Variants in PDK2 observed in about 807,000 individuals in gnomAD.
PDK2 encodes pyruvate dehydrogenase kinase, isozyme 2.
Under a neutral mutation model 50.4 loss-of-function variants are expected in PDK2, and 34 were observed. The ratio of observed to expected loss-of-function variants is 0.68; its 90% CI spans 0.51 to 0.90. The LOEUF (loss-of-function observed/expected upper bound fraction) is 0.90. Ranked by LOEUF, PDK2 falls within the 40% of genes least tolerant of loss-of-function variation. The pLI, the probability that PDK2 is intolerant of heterozygous loss-of-function variation, is 0.00. For synonymous variants in PDK2, 232 were observed against 216.0 expected, an observed-to-expected ratio of 1.07 and a Z score of -0.65; for missense variants, 377 against 544.5, an observed-to-expected ratio of 0.69 and a Z score of 3.06.
upstream of PDK2, chr17:50,095,149 C>T (rs1261097511): frequency 5.5e-6 from 2 of 362,558 alleles, no homozygotes; most frequent in South Asian, 4.6e-5. Context: ...GAGGTGGGAA[C>T]TCGGCGCGGC....
intron 2 of PDK2, among the ~76,000 whole-genome samples, chr17:50,102,292 G>A (rs1037378592): frequency 2.4e-4 from 36 of 152,304 alleles, no homozygotes; most frequent in Middle Eastern, 3.4e-3. Flanking sequence ...GGCGCTGCCC[G>A]CTGTCACTCC....
In PDK2 at chr17:50,107,014, T is replaced by C. The variant is rs568011795; in HGVS notation, c.608-62T>C. ...TAATGCTGGTGGTCCCCAGTATCAATGTCAGGAGGACTGCCTGCTGGGTGG... is the reference window on the plus strand; with the variant it reads ...TAATGCTGGTGGTCCCCAGTATCAACGTCAGGAGGACTGCCTGCTGGGTGG... On this transcript the variant is annotated intron_variant, in intron 5 of 10. Transcript: ENST00000503176. The C allele has an allele frequency of 7.7e-5, 114 of 1,486,054 alleles. 1 individual carries two copies. In the South Asian group the frequency reaches 1.3e-3, roughly 17 times the overall value. The allele number at this position is 1,486,054 out of a possible 1,614,324, so 92.1% of individuals were successfully genotyped here. A position where few individuals can be genotyped will look rare whatever the true frequency, so the allele number is the denominator to read the frequency against.
At chr17:50,097,337 A>G (rs1910001652) in intron 1 of PDK2, 86 bp from the exon 2 acceptor site, 6 of 1,404,148 alleles carry the variant, frequency 4.3e-6, no homozygotes, top group Non-Finnish European at 5.9e-6. Context: ...GCCCCCTGTT[A>G]ATGAAGGGTT....
At chr17:50,097,820 C>T (rs957109993) in intron 2 of PDK2, 2 of 412,386 alleles carry the variant, frequency 4.8e-6, no homozygotes, top group East Asian at 8.0e-5. Context: ...CAGGATCCAC[C>T]TAGGAAAGCA....
intron 2 of PDK2, among the ~76,000 whole-genome samples, chr17:50,099,994 TC>T (rs1910139899): frequency 6.6e-6 from 1 of 152,188 alleles, no homozygotes; most frequent in Admixed American, 6.5e-5. Flanking sequence ...AGTGGAGACC[TC>T]TTTCTCCAGG....
At position 50,109,156 on chromosome 17, in the gene PDK2, T is replaced by TCCC. The variant is rs1910684849; in HGVS notation, c.970-129_970-127dup. Reference sequence around the variant, plus strand: ...TTACCTCAGTGTCCCCTCCCACATGTCCCCTCCCAGCTCTGGGACCCCTGC... The same window carrying TCCC: ...TTACCTCAGTGTCCCCTCCCACATGTCCCCCCCTCCCAGCTCTGGGACCCCTGC... On this transcript the variant is annotated intron_variant, in intron 9 of 10. Coordinates refer to ENST00000503176, the MANE Select transcript of PDK2 (RefSeq NM_002611.5). This position sits in a 1 kb window ranked among gnomAD's most constrained non-coding sequence, Gnocchi z 5.0. The TCCC allele has an allele frequency of 1.7e-6, 1 of 604,978 alleles. No individual in the cohort carries two copies. The highest frequency in any genetic ancestry group is 1.9e-5 in the African/African-American group (1 of 53,556). The allele number at this position is 604,978 out of a possible 1,614,324, so 37.5% of individuals were successfully genotyped here.
intron 6 of PDK2, among the ~76,000 whole-genome samples, chr17:50,107,390 C>G (rs847692): frequency 0.96 from 146,287 of 152,252 alleles, 70,329 homozygotes; most frequent in East Asian, 1. Flanking sequence ...AGACCGGCCT[C>G]GGCAACATGG....
rs756522321 is a variant in PDK2 at position 50,110,105 on chromosome 17, C to T, written c.*8C>T. On this transcript the variant is annotated 3_prime_UTR_variant, in exon 11 of 11. Transcript: ENST00000503176. ...ACGTACCGCGTCAGCTAAGGGCCGC[C>T]GTGCATCTGCACCTGAGAGGACGGA... 6 of 1,594,028 alleles carry T rather than the reference C, an allele frequency of 3.8e-6. No individual in the cohort carries two copies. The highest frequency in any genetic ancestry group is 3.4e-5 in the South Asian group (3 of 88,840).
At chr17:50,104,800 G>A (rs932118273) in intron 2 of PDK2, among the ~76,000 whole-genome samples, 2 of 152,198 alleles carry the variant, frequency 1.3e-5, no homozygotes, top group Non-Finnish European at 2.9e-5. Context: ...TCCACTTGCC[G>A]AGGCAGGTGC....
intron 2 of PDK2, chr17:50,104,529 G>A (rs1053960023): frequency 6.6e-6 from 1 of 152,252 alleles, no homozygotes; most frequent in South Asian, 2.1e-4. Context: ...GGGATTACAG[G>A]TGTGAGCCAC....
intron 8 of PDK2, 25 bp from the exon 9 acceptor site, chr17:50,108,587 C>A: frequency 6.4e-7 from 1 of 1,569,584 alleles, no homozygotes; most frequent in Non-Finnish European, 8.7e-7. Context: ...TGTAAAGAAT[C>A]CCTGACACAT....
chr17:50,110,101 C>T lies in PDK2; in HGVS notation c.*4C>T. 6.3e-7 allele frequency: 1 copy of T among 1,596,618 alleles called. No homozygotes were observed. Among genetic ancestry groups the T allele is most frequent in the Non-Finnish European group, 8.5e-7 (1 of 1,169,728 alleles). ...GTCCACGTACCGCGTCAGCTAAGGG[C>T]CGCCGTGCATCTGCACCTGAGAGGA... is the stretch of plus-strand genomic sequence containing the variant. On this transcript the variant is annotated 3_prime_UTR_variant, in exon 11 of 11. Transcript: ENST00000503176.
At chr17:50,105,098 A>G (rs1231301480) in intron 2 of PDK2, among the ~76,000 whole-genome samples, 3 of 152,194 alleles carry the variant, frequency 2.0e-5, no homozygotes, top group Non-Finnish European at 4.4e-5. Context: ...ATCATCTCCA[A>G]GCCCCTTCTG....
At chr17:50,098,368 T>C (rs1910055384) in intron 2 of PDK2, 1 of 152,194 alleles carries the variant, frequency 6.6e-6, no homozygotes, top group South Asian at 2.1e-4. Flanking sequence ...CTCAAAGCCA[T>C]GCGAAGTCAC....
chr17:50,100,343 G>T (rs181178742), intron 2 of PDK2, among the ~76,000 whole-genome samples: 1 of 152,308 alleles, frequency 6.6e-6, no homozygotes, highest in African/African-American at 2.4e-5. Flanking sequence ...GTGGAGACTG[G>T]ACGGGGAGGG....
rs569980669 is a variant in PDK2, at chr17:50,112,062, T to G, written c.*1965T>G. ...TGTCCTCTGTCCCTATCAGTTCCTGTTTGCTCAGCTCCCAAAGAGGACTTA... is the reference window on the plus strand; with the variant it reads ...TGTCCTCTGTCCCTATCAGTTCCTGGTTGCTCAGCTCCCAAAGAGGACTTA... On this transcript the variant is annotated 3_prime_UTR_variant, in exon 11 of 11. Coordinates refer to ENST00000503176, the MANE Select transcript of PDK2 (RefSeq NM_002611.5). The G allele has an allele frequency of 2.6e-5, 4 of 152,274 alleles. No individual in the cohort carries two copies. Among genetic ancestry groups the G allele is most frequent in the African/African-American group, 9.6e-5 (4 of 41,510 alleles). The allele number at this position is 152,274 out of a possible 1,614,324, so 9.4% of individuals were successfully genotyped here.
rs912012243 is a variant in PDK2 at position 50,095,421 on chromosome 17, G to C, written c.-15G>C. 3 of 1,584,516 alleles carry C rather than the reference G, an allele frequency of 1.9e-6. No individual in the cohort carries two copies. Among genetic ancestry groups the C allele is most frequent in the Non-Finnish European group, 2.6e-6 (3 of 1,162,920 alleles). On this transcript the variant is annotated 5_prime_UTR_variant, in exon 1 of 11. Coordinates refer to ENST00000503176, the MANE Select transcript of PDK2 (RefSeq NM_002611.5). ...CCGCGCGGGGACCACAACCAAAGTC[G>C]CGGCCGCCGCAGCCATGCGCTGGGT...
At chr17:50,095,653 G>A in intron 1 of PDK2, 100 bp downstream of exon 1, 2 of 1,490,134 alleles carry the variant, frequency 1.3e-6, no homozygotes, top group Non-Finnish European at 1.8e-6. Flanking sequence ...GGCCCCGAGT[G>A]ACAGAGAAGG....
rs368095948 is a variant in PDK2 at position 50,105,916 on chromosome 17, C to T, written c.364C>T (p.Arg122Trp). Reference sequence around the variant, plus strand: ...TGACGCCCTGGTCACCATCCGGAACCGGCACAACGACGTGGTGCCCACCAT... The same window carrying T: ...TGACGCCCTGGTCACCATCCGGAACTGGCACAACGACGTGGTGCCCACCAT... ...FTDALVTIRNRHNDVVPTMAQ... is the reference protein window; with the variant it reads ...FTDALVTIRNWHNDVVPTMAQ... The change falls in exon 4 of 11, where the codon CGG (arginine) becomes TGG (tryptophan). Residue 122 changes from arginine to tryptophan, a missense_variant. By Grantham distance (101) the Arg-to-Trp change is moderately radical. This residue lies in a region of PDK2 where 63 missense variants were observed against 135.1 expected (regional missense o/e 0.47). Coordinates refer to ENST00000503176, the MANE Select transcript of PDK2 (RefSeq NM_002611.5). 6.2e-7 allele frequency: 1 copy of T among 1,613,518 alleles called. No homozygotes were observed. Among genetic ancestry groups the T allele is most frequent in the Non-Finnish European group, 8.5e-7 (1 of 1,179,812 alleles).
Sources: gnomAD v4.1 joint callset for allele counts (sites outside exome capture counted in the v4.1 genomes callset) on GRCh38, gnomAD v4.1.1 for gene constraint, gnomAD v4.1.1 regional missense constraint, Gnocchi (gnomAD v3.1) non-coding constraint, MANE v1.5 for transcripts, NCBI Gene and HGNC (gene_info 2026-07-23, HGNC 2026-07-21) for gene names.